CTR9: variants seen among roughly 807,000 people sequenced by gnomAD.
CTR9 encodes RNA polymerase-associated protein CTR9 homolog.
CTR9 carries 41 observed loss-of-function variants against 152.1 expected under a neutral mutation model. The ratio of observed to expected loss-of-function variants is 0.27; its 90% CI spans 0.21 to 0.35. CTR9 has a LOEUF of 0.35. Ranked by LOEUF, CTR9 falls within the 10% of genes least tolerant of loss-of-function variation. CTR9 has a pLI of 1.00. For missense variants in CTR9, 917 were observed against 1,424.4 expected (o/e 0.64, Z 5.73); for synonymous variants, 476 against 496.2 (o/e 0.96, Z 0.54).
chr11:10,778,807 G>A lies in CTR9; in HGVS notation c.3224G>A (p.Arg1075Lys). The A allele has an allele frequency of 6.2e-7, 1 of 1,614,220 alleles. No individual in the cohort carries two copies. The highest frequency in any genetic ancestry group is 8.5e-7 in the Non-Finnish European group (1 of 1,180,048). ...KSGSEAGSPR[R>K]PRRQRSDQDS... ...GGCAGCGAGGCCGGCAGTCCCCGGA[G>A]GCCACGAAGACAGCGGTCAGATCAG... Residue 1075 changes from arginine (R) to lysine (K), a missense_variant, in exon 25 of 25, where the codon AGG becomes AAG. Arg to Lys is a conservative substitution (Grantham distance 26). Around this residue, in one of 9 missense-constraint regions of CTR9, gnomAD observed 384 missense variants for 398.4 expected, o/e 0.96. Coordinates refer to ENST00000361367, the MANE Select transcript of CTR9 (RefSeq NM_014633.5).
At chr11:10,764,070 T>C in intron 9 of CTR9, 42 bp from the exon 10 acceptor site, 1 of 1,588,108 alleles carries the variant, frequency 6.3e-7, no homozygotes, top group Non-Finnish European at 8.6e-7. Flanking sequence ...TTTGACAACC[T>C]ATAGATGGAA....
intron 7 of CTR9, among the ~76,000 whole-genome samples, chr11:10,763,088 A>G (rs1377287566): frequency 2.0e-5 from 3 of 150,688 alleles, no homozygotes; most frequent in South Asian, 2.1e-4. Context: ...TCTTATTCCC[A>G]TTTTGTGGGT....
Position 10,755,744 on chromosome 11 carries a change from C to G in CTR9, c.451C>G (p.Gln151Glu). 1 of 1,613,466 alleles carries G rather than the reference C, an allele frequency of 6.2e-7. No homozygotes were observed. Among genetic ancestry groups the G allele is most frequent in the Non-Finnish European group, 8.5e-7 (1 of 1,179,640 alleles). The change falls in exon 4 of 25, where the codon CAG becomes GAG. Residue 151 changes from glutamine (Q) to glutamate (E), a missense_variant. Coordinates refer to ENST00000361367, the MANE Select transcript of CTR9 (RefSeq NM_014633.5). Reference sequence around the variant, plus strand: ...TGACAAAATGGATCAAGCTGATGCACAGTTTCATTTTGTACTCAATCAGTC... The same window carrying G: ...TGACAAAATGGATCAAGCTGATGCAGAGTTTCATTTTGTACTCAATCAGTC... ...EGDKMDQADA[Q>E]FHFVLNQSPN...
rs1309038745 is a variant in CTR9 at position 10,751,471 on chromosome 11, A to G, written c.45+14A>G. On this transcript the variant is annotated intron_variant, in intron 1 of 24. Coordinates refer to ENST00000361367, the MANE Select transcript of CTR9 (RefSeq NM_014633.5). ...GACACTGACGAGGTAAGTGTCGTGT[A>G]TGGAGGCGGGTGGGGGCCATGAACT... The G allele has an allele frequency of 2.5e-6, 4 of 1,613,182 alleles. No individual in the cohort carries two copies. The highest frequency in any genetic ancestry group is 4.5e-5 in the East Asian group (2 of 44,844).
In CTR9 at chr11:10,779,733, C is replaced by A. The variant is rs1420683983; in HGVS notation, c.*628C>A. The A allele has an allele frequency of 6.6e-6, 1 of 152,192 alleles. No individual in the cohort carries two copies. Among genetic ancestry groups the A allele is most frequent in the African/African-American group, 2.4e-5 (1 of 41,450 alleles). The allele number at this position is 152,192 out of a possible 1,614,324, so 9.4% of individuals were successfully genotyped here. ...ACCTAAGCCACATAATAATAAAATT[C>A]TTTTACCAACTTTTATGGGTAACTT... On this transcript the variant is annotated 3_prime_UTR_variant, in exon 25 of 25. Transcript: ENST00000361367.
At position 10,767,691 on chromosome 11, in the gene CTR9, A is replaced by G. The variant is rs1659517599; in HGVS notation, c.1687-115A>G. 2 of 879,636 alleles carry G rather than the reference A, an allele frequency of 2.3e-6. No individual in the cohort carries two copies. The highest frequency in any genetic ancestry group is 3.9e-5 in the South Asian group (2 of 51,452). 54.5% of individuals were successfully genotyped at this position (879,636 alleles called of 1,614,324 possible). On this transcript the variant is annotated intron_variant, in intron 13 of 24. Coordinates refer to ENST00000361367, the MANE Select transcript of CTR9 (RefSeq NM_014633.5). The surrounding 1 kb of genome is among the most constrained non-coding windows in gnomAD (Gnocchi z 4.0). ...AAAAGAAAGAAAGAAAAGAAAGAAAACCACTGTTGTAATATAGTTTGTAAA... is the reference window on the plus strand; with the variant it reads ...AAAAGAAAGAAAGAAAAGAAAGAAAGCCACTGTTGTAATATAGTTTGTAAA...
intron 12 of CTR9, among the ~76,000 whole-genome samples, chr11:10,765,722 A>G (rs923438542): frequency 1.3e-5 from 2 of 152,234 alleles, no homozygotes; most frequent in Non-Finnish European, 2.9e-5. Context: ...ATGGCCTCCC[A>G]AAGTGCTGGG....
Position 10,751,289 on chromosome 11 carries a change from G to T in CTR9, c.-124G>T, listed in dbSNP as rs561615363. On this transcript the variant is annotated 5_prime_UTR_variant, in exon 1 of 25. Transcript: ENST00000361367. ...GGGAAGGAGAAGCCAGAGCTCCAGC[G>T]GCGCCGCGGGGCGGCAGTCAAGACC... The T allele has an allele frequency of 2.0e-6, 2 of 1,010,468 alleles. No homozygotes were observed. The highest frequency in any genetic ancestry group is 1.6e-5 in the African/African-American group (1 of 62,902). The allele number at this position is 1,010,468 out of a possible 1,614,324, so 62.6% of individuals were successfully genotyped here.
At position 10,763,651 on chromosome 11, in the gene CTR9, T is replaced by C. The variant is rs747728337; in HGVS notation, c.966T>C (p.Tyr322=). ...TAATTTTCATTCTTTAGGAAGATTA[T>C]GACCAAGCTTTTCAGTACTATTATC... ...LARSFHVQED[Y]DQAFQYYYQA... Residue 322 remains tyrosine, a synonymous_variant, in exon 9 of 25, where the codon TAT becomes TAC. Coordinates refer to ENST00000361367, the MANE Select transcript of CTR9 (RefSeq NM_014633.5). 7 of 1,602,036 alleles carry C rather than the reference T, an allele frequency of 4.4e-6. No homozygotes were observed. Among genetic ancestry groups the C allele is most frequent in the East Asian group, 2.2e-5 (1 of 44,832 alleles).
At chr11:10,772,496 T>C in intron 19 of CTR9, 24 bp from the exon 20 acceptor site, 1 of 1,403,980 alleles carries the variant, frequency 7.1e-7, no homozygotes. Flanking sequence ...ACATTCATGT[T>C]TCTCTAAACC....
intron 2 of CTR9, among the ~76,000 whole-genome samples, chr11:10,753,917 A>G (rs1029814717): frequency 6.6e-6 from 1 of 152,182 alleles, no homozygotes; most frequent in Non-Finnish European, 1.5e-5. Context: ...ACTTCTGAGC[A>G]TATGTCCTCA....
At chr11:10,766,730 C>T (rs1240924895) in intron 13 of CTR9, among the ~76,000 whole-genome samples, 2 of 152,056 alleles carry the variant, frequency 1.3e-5, no homozygotes, top group Non-Finnish European at 2.9e-5. Flanking sequence ...TTCCCTTCCC[C>T]CATCCCATCC....
intron 1 of CTR9, 54 bp from the exon 2 acceptor site, chr11:10,752,618 G>A (rs1049368857): frequency 4.7e-6 from 6 of 1,272,834 alleles, no homozygotes; most frequent in African/African-American, 4.4e-5. Context: ...CAGCAAAGAT[G>A]AAATGTGAAT....
chr11:10,751,350 G>A lies in CTR9; in HGVS notation c.-63G>A. ...CCGTCACTCACCTCTGGATTAGCCTGAAGCGGAGACTACCGGCTGCGGAGC... is the reference window on the plus strand; with the variant it reads ...CCGTCACTCACCTCTGGATTAGCCTAAAGCGGAGACTACCGGCTGCGGAGC... On this transcript the variant is annotated 5_prime_UTR_variant, in exon 1 of 25. Coordinates refer to ENST00000361367, the MANE Select transcript of CTR9 (RefSeq NM_014633.5). 6.3e-7 allele frequency: 1 copy of A among 1,576,196 alleles called. No individual in the cohort carries two copies. Among genetic ancestry groups the A allele is most frequent in the Non-Finnish European group, 8.7e-7 (1 of 1,148,010 alleles).
chr11:10,760,415 T>G (rs1862958343), intron 6 of CTR9, 94 bp downstream of exon 6: 15 of 1,219,346 alleles, frequency 1.2e-5, no homozygotes, highest in Non-Finnish European at 1.6e-5. Context: ...GTCTTAGAAA[T>G]TAAGATTACA....
chr11:10,771,944 A>G (rs1292036284), intron 19 of CTR9, among the ~76,000 whole-genome samples: 1 of 152,174 alleles, frequency 6.6e-6, no homozygotes, highest in Non-Finnish European at 1.5e-5. Context: ...CTTTGAGAGG[A>G]CATTTATAGT....
Position 10,756,743 on chromosome 11 carries a change from T to A in CTR9, c.503-6T>A, listed in dbSNP as rs1862890856. The A allele has an allele frequency of 6.2e-7, 1 of 1,601,432 alleles. No individual in the cohort carries two copies. On this transcript the variant is annotated splice_region_variant and splice_polypyrimidine_tract_variant and intron_variant, in intron 4 of 24. Coordinates refer to ENST00000361367, the MANE Select transcript of CTR9 (RefSeq NM_014633.5). ...ACACTGTGTTTATTTTTAAAAATCATTACAGGTAAAGCTTGCATTTCCTTC... is the reference window on the plus strand; with the variant it reads ...ACACTGTGTTTATTTTTAAAAATCAATACAGGTAAAGCTTGCATTTCCTTC...
intron 9 of CTR9, 67 bp downstream of exon 9, chr11:10,763,946 C>G: frequency 7.4e-7 from 1 of 1,356,526 alleles, no homozygotes; most frequent in South Asian, 1.3e-5. Context: ...TTTCTCATTT[C>G]CTGTTATTGC....
intron 15 of CTR9, 59 bp downstream of exon 15, chr11:10,768,220 A>G: frequency 6.4e-7 from 1 of 1,572,444 alleles, no homozygotes; most frequent in Non-Finnish European, 8.7e-7. Flanking sequence ...TTTCAGAGGA[A>G]TGTTTGTAAA....
Sources: gnomAD v4.1 joint callset for allele counts (sites outside exome capture counted in the v4.1 genomes callset) on GRCh38, gnomAD v4.1.1 for gene constraint, gnomAD v4.1.1 regional missense constraint, Gnocchi (gnomAD v3.1) non-coding constraint, MANE v1.5 for transcripts, NCBI Gene and HGNC (gene_info 2026-07-23, HGNC 2026-07-21) for gene names.